The following MYOCD variants were observed in gnomAD, a reference collection of about 807,000 sequenced individuals.
The protein encoded by MYOCD is myocardin.
In MYOCD, 32 loss-of-function variants were observed where a neutral mutation model predicts 96.1. The ratio of observed to expected loss-of-function variants is 0.33; its 90% CI spans 0.25 to 0.45. MYOCD has a LOEUF of 0.45. Among genes scored for constraint, MYOCD ranks in the 20% least tolerant of loss-of-function variants. The pLI, the probability that MYOCD is intolerant of heterozygous loss-of-function variation, is 1.00. For missense variants in MYOCD, 1,133 were observed against 1,200.6 expected (o/e 0.94, Z 0.83); for synonymous variants, 469 against 469.0 (o/e 1.00, Z 0.00).
chr17:12,733,309 C>CAAAAAA (rs10650455), intron 5 of MYOCD, among the ~76,000 whole-genome samples: 2 of 134,906 alleles, frequency 1.5e-5, no homozygotes, highest in Non-Finnish European at 1.6e-5. Flanking sequence ...GACTCCATCT[C>CAAAAAA]AAAAAAAAAA....
chr17:12,735,523 A>T (rs1436738088), intron 5 of MYOCD, among the ~76,000 whole-genome samples: 7 of 152,158 alleles, frequency 4.6e-5, no homozygotes, highest in Non-Finnish European at 1.0e-4. Context: ...AATAATAAAA[A>T]ATGAGGATCA....
intron 2 of MYOCD, among the ~76,000 whole-genome samples, chr17:12,714,866 T>C (rs1198266493): frequency 6.6e-6 from 1 of 152,186 alleles, no homozygotes; most frequent in Non-Finnish European, 1.5e-5. Flanking sequence ...ACAGGACCTA[T>C]GCTCCTAGCC....
In MYOCD at chr17:12,767,821, C is replaced by A. The variant is rs1347813970; in HGVS notation, c.*4177C>A. ...TGTTGATTGCCAGATACAGAAGCCCCTTGAAAATAAGGAAAGGGTGGAGGA... is the reference window on the plus strand; with the variant it reads ...TGTTGATTGCCAGATACAGAAGCCCATTGAAAATAAGGAAAGGGTGGAGGA... On this transcript the variant is annotated 3_prime_UTR_variant, in exon 14 of 14. Coordinates refer to ENST00000425538, the MANE Select transcript of MYOCD (RefSeq NM_001146312.3). 1 of 152,138 alleles carries A rather than the reference C, an allele frequency of 6.6e-6. No homozygotes were observed. Among genetic ancestry groups the A allele is most frequent in the Non-Finnish European group, 1.5e-5 (1 of 68,018 alleles). The allele number at this position is 152,138 out of a possible 1,614,324, so 9.4% of individuals were successfully genotyped here. A position where few individuals can be genotyped will look rare whatever the true frequency, so the allele number is the denominator to read the frequency against.
chr17:12,758,839 A>G (rs938764548), intron 12 of MYOCD, among the ~76,000 whole-genome samples: 10 of 152,332 alleles, frequency 6.6e-5, no homozygotes, highest in Admixed American at 5.9e-4. Flanking sequence ...ACCTGAGGTC[A>G]GGAGTTTGAG....
intron 1 of MYOCD, among the ~76,000 whole-genome samples, chr17:12,677,973 A>G (rs1597725663): frequency 6.7e-6 from 1 of 149,326 alleles, no homozygotes; most frequent in Non-Finnish European, 1.5e-5. Context: ...GCTCACTGCA[A>G]CCTCCGCCTC....
chr17:12,740,244 C>T (rs1273528202), intron 7 of MYOCD, among the ~76,000 whole-genome samples: 19 of 152,070 alleles, frequency 1.2e-4, no homozygotes, highest in Non-Finnish European at 4.4e-5. Flanking sequence ...CCTTTAGTGG[C>T]GATTTCGGAG....
intron 1 of MYOCD, among the ~76,000 whole-genome samples, chr17:12,666,855 T>C (rs1909407806): frequency 6.6e-6 from 1 of 152,196 alleles, no homozygotes. Context: ...TAGTGGCACA[T>C]GGAGAAACTT....
chr17:12,698,082 A>G (rs1354612751), intron 1 of MYOCD, among the ~76,000 whole-genome samples: 1 of 152,174 alleles, frequency 6.6e-6, no homozygotes, highest in African/African-American at 2.4e-5. Flanking sequence ...CATATAGGAA[A>G]AGACCTCAAA....
rs2033312121 is a variant in MYOCD, at chr17:12,765,390, T to C, written c.*1746T>C. 1 of 152,168 alleles carries C rather than the reference T, an allele frequency of 6.6e-6. No individual in the cohort carries two copies. Among genetic ancestry groups the C allele is most frequent in the Non-Finnish European group, 1.5e-5 (1 of 68,012 alleles). 9.4% of individuals were successfully genotyped at this position (152,168 alleles called of 1,614,324 possible). On this transcript the variant is annotated 3_prime_UTR_variant, in exon 14 of 14. Coordinates refer to ENST00000425538, the MANE Select transcript of MYOCD (RefSeq NM_001146312.3). The stretch of plus-strand genomic sequence containing the variant: ...AAATGTTGGGATTTTAGAAGCTCTC[T>C]TTTTGATAAACCAAAGATTTAGAAG...
intron 1 of MYOCD, among the ~76,000 whole-genome samples, chr17:12,698,317 G>A (rs998818252): frequency 6.6e-6 from 1 of 152,106 alleles, no homozygotes; most frequent in Non-Finnish European, 1.5e-5. Flanking sequence ...AAAGTCATAA[G>A]CCAGTCCATA....
chr17:12,699,033 C>T (rs901468737), intron 1 of MYOCD, among the ~76,000 whole-genome samples: 2 of 149,732 alleles, frequency 1.3e-5, no homozygotes, highest in African/African-American at 2.5e-5. Flanking sequence ...TGAGCCACCG[C>T]GCCCGGCCCC....
chr17:12,693,350 C>G (rs918952892), intron 1 of MYOCD, among the ~76,000 whole-genome samples: 13 of 151,948 alleles, frequency 8.6e-5, no homozygotes, highest in Non-Finnish European at 1.8e-4. Flanking sequence ...TGTCTCACGC[C>G]TGTAATCCCA....
At chr17:12,691,926 A>G (rs2030468629) in intron 1 of MYOCD, among the ~76,000 whole-genome samples, 1 of 152,248 alleles carries the variant, frequency 6.6e-6, no homozygotes. Context: ...TGATTTATGT[A>G]AAACACTTCA....
At position 12,744,355 on chromosome 17, in the gene MYOCD, T is replaced by C; in HGVS notation, c.890T>C (p.Leu297Pro). The change falls in exon 8 of 14, where the codon CTG (leucine) becomes CCG (proline). Residue 297 changes from leucine (L) to proline (P), a missense_variant. Physicochemically the swap from Leu to Pro is moderately conservative, Grantham distance 98. Transcript: ENST00000425538. Reference protein sequence around the residue: ...ARLLQQQQLFLQLQILSQQQQ... With the variant: ...ARLLQQQQLFPQLQILSQQQQ... Reference sequence around the variant, plus strand: ...CTGCTCCAGCAACAGCAGCTGTTCCTGCAGCTCCAAATCCTCAGCCAGCAG... The same window carrying C: ...CTGCTCCAGCAACAGCAGCTGTTCCCGCAGCTCCAAATCCTCAGCCAGCAG... The C allele has an allele frequency of 6.2e-7, 1 of 1,614,206 alleles. No individual in the cohort carries two copies. The highest frequency in any genetic ancestry group is 8.5e-7 in the Non-Finnish European group (1 of 1,180,026).
rs1447877469 is a variant in MYOCD at position 12,767,112 on chromosome 17, C to T, written c.*3468C>T. On this transcript the variant is annotated 3_prime_UTR_variant, in exon 14 of 14. Coordinates refer to ENST00000425538, the MANE Select transcript of MYOCD (RefSeq NM_001146312.3). ...GGAAAAAAGGGCCAAACTTTCTGAT[C>T]TATGAACTTCTCAGTTCAGCTGTCA... 1 of 151,984 alleles carries T rather than the reference C, an allele frequency of 6.6e-6. No individual in the cohort carries two copies. The highest frequency in any genetic ancestry group is 1.5e-5 in the Non-Finnish European group (1 of 67,996). The allele number at this position is 151,984 out of a possible 1,614,324, so 9.4% of individuals were successfully genotyped here.
chr17:12,699,694 T>C (rs2030965106), intron 1 of MYOCD, among the ~76,000 whole-genome samples: 1 of 152,132 alleles, frequency 6.6e-6, no homozygotes, highest in Non-Finnish European at 1.5e-5. Context: ...GAACCCTAAA[T>C]CTTTAAGCTT....
chr17:12,705,377 A>T (rs555584268), intron 2 of MYOCD, 184 bp downstream of exon 2: 1 of 515,210 alleles, frequency 1.9e-6, no homozygotes, highest in Non-Finnish European at 3.5e-6. Flanking sequence ...ACTCACCTGC[A>T]AGGGGCTCCT....
At position 12,768,427 on chromosome 17, in the gene MYOCD, ATT is replaced by A. The variant is rs1423345790; in HGVS notation, c.*4786_*4787del. ...TCCCTTTTGATTCTGGGAATCAGCG[ATT>A]TTCCCTGTGGATTAAGACAAACCAA... On this transcript the variant is annotated 3_prime_UTR_variant, in exon 14 of 14. Transcript: ENST00000425538. 6.6e-6 allele frequency: 1 copy of A among 152,114 alleles called. No individual in the cohort carries two copies. Among genetic ancestry groups the A allele is most frequent in the African/African-American group, 2.4e-5 (1 of 41,406 alleles). 9.4% of individuals were successfully genotyped at this position (152,114 alleles called of 1,614,324 possible). A position where few individuals can be genotyped will look rare whatever the true frequency, so the allele number is the denominator to read the frequency against.
At chr17:12,717,069 A>G (rs539615301) in intron 3 of MYOCD, among the ~76,000 whole-genome samples, 38 of 149,670 alleles carry the variant, frequency 2.5e-4, no homozygotes, top group African/African-American at 8.8e-4. Context: ...GTGTTCTGTT[A>G]TAGTGACATG....
Sources: gnomAD v4.1 joint callset for allele counts (sites outside exome capture counted in the v4.1 genomes callset) on GRCh38, gnomAD v4.1.1 for gene constraint, MANE v1.5 for transcripts, NCBI Gene and HGNC (gene_info 2026-07-23, HGNC 2026-07-21) for gene names.